The following AFF3 variants were observed in gnomAD, a reference collection of about 807,000 sequenced individuals.
AFF3 encodes ALF transcription elongation factor 3.
Under a neutral mutation model 129.7 loss-of-function variants are expected in AFF3, and 32 were observed. That is an observed-to-expected ratio of 0.25 (90% CI 0.19 to 0.33). The LOEUF (loss-of-function observed/expected upper bound fraction) is 0.33. Ranked by LOEUF, AFF3 falls within the 10% of genes least tolerant of loss-of-function variation. The probability of loss-of-function intolerance (pLI) is 1.00; values close to 1 mark genes in which losing one functional copy is unlikely to be tolerated. For synonymous variants in AFF3, 644 were observed against 635.4 expected (o/e 1.01, Z -0.20); for missense variants, 1,373 against 1,592.0 (o/e 0.86, Z 2.34).
intron 11 of AFF3, among the ~76,000 whole-genome samples, chr2:99,701,378 A>C (rs1009895912): frequency 2.0e-5 from 3 of 152,230 alleles, no homozygotes; most frequent in Non-Finnish European, 2.9e-5. Flanking sequence ...GGCACACTGG[A>C]GGATTCTGTT....
chr2:99,653,409 T>G (rs895595746), intron 12 of AFF3, among the ~76,000 whole-genome samples: 1 of 152,198 alleles, frequency 6.6e-6, no homozygotes, highest in African/African-American at 2.4e-5. Context: ...TGTCAATATT[T>G]TAAAAGGCTA....
chr2:100,014,534 A>G (rs1682822614), intron 4 of AFF3, among the ~76,000 whole-genome samples: 1 of 152,194 alleles, frequency 6.6e-6, no homozygotes, highest in African/African-American at 2.4e-5. Context: ...GAAAAGGAAG[A>G]AGGGCACCAA....
intron 4 of AFF3, among the ~76,000 whole-genome samples, chr2:100,068,624 A>G (rs1366225940): frequency 6.6e-6 from 1 of 152,230 alleles, no homozygotes. Flanking sequence ...AGGAACACAC[A>G]TACTCAGAGT....
intron 13 of AFF3, among the ~76,000 whole-genome samples, chr2:99,635,980 G>A (rs976737275): frequency 6.6e-6 from 1 of 152,160 alleles, no homozygotes; most frequent in Non-Finnish European, 1.5e-5. Context: ...CTGGCTTGGT[G>A]GGAACCTTCC....
At chr2:100,084,468 T>C (rs571662292) in intron 4 of AFF3, among the ~76,000 whole-genome samples, 3 of 152,356 alleles carry the variant, frequency 2.0e-5, no homozygotes, top group African/African-American at 7.2e-5. Context: ...TCTGTGTTCT[T>C]AATCATTACA....
At chr2:99,764,374 C>G (rs1157399964) in intron 8 of AFF3, among the ~76,000 whole-genome samples, 1 of 152,102 alleles carries the variant, frequency 6.6e-6, no homozygotes, top group Non-Finnish European at 1.5e-5. Context: ...AAGTTTGTTT[C>G]ATGCTAGATC....
chr2:99,822,490 C>T (rs1304826160), intron 8 of AFF3, among the ~76,000 whole-genome samples: 2 of 152,142 alleles, frequency 1.3e-5, no homozygotes, highest in African/African-American at 4.8e-5. Flanking sequence ...TCCAGTTGCA[C>T]GTGCTTTGCT....
intron 7 of AFF3, among the ~76,000 whole-genome samples, chr2:99,951,081 T>C (rs1327753761): frequency 1.3e-5 from 2 of 152,228 alleles, no homozygotes; most frequent in African/African-American, 2.4e-5. Flanking sequence ...AAATTTATTC[T>C]ATAGCTTAAC....
intron 11 of AFF3, among the ~76,000 whole-genome samples, chr2:99,675,765 T>A (rs2104497055): frequency 6.6e-6 from 1 of 152,300 alleles, no homozygotes; most frequent in African/African-American, 2.4e-5. Context: ...ACAGCAGGCA[T>A]GGCCGCCTTC....
At chr2:100,123,508 T>A (rs6706188) in intron 2 of AFF3, among the ~76,000 whole-genome samples, 1 of 152,020 alleles carries the variant, frequency 6.6e-6, no homozygotes, top group African/African-American at 2.4e-5. Context: ...TATATGTGAT[T>A]ATTGGGCATA....
chr2:99,877,573 C>CCAT (rs1329206309), intron 7 of AFF3, among the ~76,000 whole-genome samples: 1 of 152,130 alleles, frequency 6.6e-6, no homozygotes, highest in Non-Finnish European at 1.5e-5. Flanking sequence ...TTATTAAAGA[C>CCAT]CATCATTCTA....
chr2:100,068,901 T>A (rs1304854960), intron 4 of AFF3, among the ~76,000 whole-genome samples: 1 of 152,140 alleles, frequency 6.6e-6, no homozygotes, highest in East Asian at 1.9e-4. Context: ...AGTCCCAACC[T>A]CAGTTCTATC....
At chr2:99,871,263 A>C (rs1691847992) in intron 7 of AFF3, among the ~76,000 whole-genome samples, 1 of 152,190 alleles carries the variant, frequency 6.6e-6, no homozygotes, top group Admixed American at 6.5e-5. Context: ...AGTCAGAAAC[A>C]CTTCTGGTCC....
At chr2:99,620,675 T>C (rs1015826800) in intron 13 of AFF3, among the ~76,000 whole-genome samples, 3 of 152,004 alleles carry the variant, frequency 2.0e-5, no homozygotes, top group Non-Finnish European at 2.9e-5. Context: ...CTTTGGATAT[T>C]TGTCCTGTCC....
chr2:100,082,699 A>AT (rs1292748319), intron 4 of AFF3, among the ~76,000 whole-genome samples: 1 of 152,140 alleles, frequency 6.6e-6, no homozygotes, highest in Non-Finnish European at 1.5e-5. Context: ...TTTAGTCATG[A>AT]TTTTGTCATG....
At chr2:99,938,870 CAG>C (rs1261984107) in intron 7 of AFF3, among the ~76,000 whole-genome samples, 4 of 152,306 alleles carry the variant, frequency 2.6e-5, no homozygotes, top group Admixed American at 6.5e-5. Context: ...TTGTCAGAGA[CAG>C]AGAGATTCTA....
chr2:100,122,791 A>G (rs1017006498), intron 2 of AFF3, among the ~76,000 whole-genome samples: 4 of 152,228 alleles, frequency 2.6e-5, no homozygotes, highest in African/African-American at 4.8e-5. Context: ...GAGATTCACA[A>G]TGCATACTGG....
intron 4 of AFF3, among the ~76,000 whole-genome samples, chr2:100,078,944 C>CTTTTT (rs35031023): frequency 7.6e-6 from 1 of 131,210 alleles, no homozygotes; most frequent in East Asian, 2.2e-4. Flanking sequence ...TGAATATTTT[C>CTTTTT]TTTTTTTTTT....
intron 7 of AFF3, among the ~76,000 whole-genome samples, chr2:99,955,963 CAA>C (rs1676603902): frequency 6.6e-6 from 1 of 152,014 alleles, no homozygotes; most frequent in African/African-American, 2.4e-5. Context: ...TTTATACTGA[CAA>C]ATGTTTTAAC....
Sources: gnomAD v4.1 joint callset for allele counts (sites outside exome capture counted in the v4.1 genomes callset) on GRCh38, gnomAD v4.1.1 for gene constraint, MANE v1.5 for transcripts, NCBI Gene and HGNC (gene_info 2026-07-23, HGNC 2026-07-21) for gene names.